The following TRAPPC8 variants were observed in gnomAD, a reference collection of about 807,000 sequenced individuals.
TRAPPC8 encodes trafficking protein particle complex subunit 8.
TRAPPC8 carries 54 observed loss-of-function variants against 174.3 expected under a neutral mutation model. The observed-to-expected ratio is 0.31, with a 90% CI of 0.25 to 0.39. The LOEUF (loss-of-function observed/expected upper bound fraction) is 0.39. Among genes scored for constraint, TRAPPC8 ranks in the 10% least tolerant of loss-of-function variants. TRAPPC8 has a pLI of 1.00. For synonymous variants in TRAPPC8, 630 were observed against 579.9 expected (o/e 1.09, Z -1.24); for missense variants, 1,531 against 1,699.1 (o/e 0.90, Z 1.74).
At chr18:31,888,993 T>C (rs1598678776) in intron 12 of TRAPPC8, among the ~76,000 whole-genome samples, 1 of 152,190 alleles carries the variant, frequency 6.6e-6, no homozygotes, top group Non-Finnish European at 1.5e-5. Context: ...ATGTGTTCTA[T>C]GCACCCTAAC....
intron 19 of TRAPPC8, among the ~76,000 whole-genome samples, chr18:31,861,943 G>A (rs1366821255): frequency 7.3e-6 from 1 of 136,672 alleles, no homozygotes; most frequent in African/African-American, 2.7e-5. Flanking sequence ...AAAAGGGGGG[G>A]GGGGGCGGTG....
chr18:31,931,390 C>A lies in TRAPPC8; in HGVS notation c.291G>T (p.Gln97His). Reference sequence around the variant, plus strand: ...CATTAGCTACTAATCCTTCTGCAGGCTGACTGCCAGAAACAACATCATTCA... The same window carrying A: ...CATTAGCTACTAATCCTTCTGCAGGATGACTGCCAGAAACAACATCATTCA... ...KLLNDVVSGSQPAEGLVANVI... is the reference protein window; with the variant it reads ...KLLNDVVSGSHPAEGLVANVI... Residue 97 changes from glutamine to histidine, a missense_variant, in exon 2 of 29, where the codon CAG (glutamine) becomes CAT (histidine). Physicochemically the swap from Gln to His is conservative, Grantham distance 24. Transcript: ENST00000283351. 2.5e-6 allele frequency: 4 copies of A among 1,612,660 alleles called. No homozygotes were observed. Among genetic ancestry groups the A allele is most frequent in the Non-Finnish European group, 1.7e-6 (2 of 1,179,232 alleles).
At chr18:31,889,194 C>G (rs1270186301) in intron 12 of TRAPPC8, among the ~76,000 whole-genome samples, 1 of 152,194 alleles carries the variant, frequency 6.6e-6, no homozygotes, top group Non-Finnish European at 1.5e-5. Context: ...GAATCATTAA[C>G]TTCACAGGGT....
intron 1 of TRAPPC8, among the ~76,000 whole-genome samples, chr18:31,936,902 TAAAAAAA>T (rs376783471): frequency 0.41 from 37,737 of 92,404 alleles, 7,191 homozygotes; most frequent in Admixed American, 0.58. Context: ...ACTCCGTCTT[TAAAAAAA>T]AAAAAAAAAA....
Position 31,942,922 on chromosome 18 carries a change from G to A in TRAPPC8, c.-158C>T, listed in dbSNP as rs2038415172. 2.4e-6 allele frequency: 3 copies of A among 1,234,506 alleles called. No homozygotes were observed. Among genetic ancestry groups the A allele is most frequent in the Middle Eastern group, 3.1e-4 (1 of 3,214 alleles). The allele number at this position is 1,234,506 out of a possible 1,614,324, so 76.5% of individuals were successfully genotyped here. A position where few individuals can be genotyped will look rare whatever the true frequency, so the allele number is the denominator to read the frequency against. Reference sequence around the variant, plus strand: ...GAAACAAGAAGGAACAGACGCCGCCGCTTCGGTTTCTGGGGCACAATCCAC... The same window carrying A: ...GAAACAAGAAGGAACAGACGCCGCCACTTCGGTTTCTGGGGCACAATCCAC... On this transcript the variant is annotated 5_prime_UTR_variant, in exon 1 of 29. Coordinates refer to ENST00000283351, the MANE Select transcript of TRAPPC8 (RefSeq NM_014939.5).
At chr18:31,880,107 ATATATATATATATATTTTTTTTT>A (rs2035362242) in intron 12 of TRAPPC8, among the ~76,000 whole-genome samples, 2 of 92,590 alleles carry the variant, frequency 2.2e-5, no homozygotes, top group Non-Finnish European at 2.3e-5. Flanking sequence ...ATATATATAT[ATATATATATATATATTTTTTTTT>A]TTTTAAGGAA....
At chr18:31,923,567 GAATT>G (rs747805651) in intron 2 of TRAPPC8, among the ~76,000 whole-genome samples, 2 of 152,056 alleles carry the variant, frequency 1.3e-5, no homozygotes, top group South Asian at 2.1e-4. Context: ...GAATATATAA[GAATT>G]AATACCTTAT....
chr18:31,852,512 A>G lies in TRAPPC8; in HGVS notation c.3503-8T>C, dbSNP rs780558600. 1.2e-6 allele frequency: 2 copies of G among 1,614,210 alleles called. No homozygotes were observed. The highest frequency in any genetic ancestry group is 1.7e-6 in the Non-Finnish European group (2 of 1,180,018). ...CAGAGGACTGTGTGGCCGCTAAAAA[A>G]CAGGGGAAAACAAACTAATCATATC... On this transcript the variant is annotated splice_region_variant and splice_polypyrimidine_tract_variant and intron_variant, in intron 23 of 28. Transcript: ENST00000283351.
intron 20 of TRAPPC8, among the ~76,000 whole-genome samples, 190 bp downstream of exon 20, chr18:31,857,350 A>T (rs766218287): frequency 7.2e-5 from 11 of 152,146 alleles, no homozygotes; most frequent in Non-Finnish European, 1.3e-4. Flanking sequence ...TGTGCCGTTA[A>T]ATTTTATTTT....
At position 31,830,712 on chromosome 18, in the gene TRAPPC8, C is replaced by A; in HGVS notation, c.*43G>T. On this transcript the variant is annotated 3_prime_UTR_variant, in exon 29 of 29. Transcript: ENST00000283351. Reference sequence around the variant, plus strand: ...AAATACTGCTGTAAAACCCATCCAGCAAAAACTGATTATTGTGGATTTCAG... The same window carrying A: ...AAATACTGCTGTAAAACCCATCCAGAAAAAACTGATTATTGTGGATTTCAG... 1.3e-6 allele frequency: 2 copies of A among 1,562,602 alleles called. No homozygotes were observed. The highest frequency in any genetic ancestry group is 1.7e-6 in the Non-Finnish European group (2 of 1,143,374).
chr18:31,904,345 T>G (rs2036571281), intron 9 of TRAPPC8, among the ~76,000 whole-genome samples: 1 of 151,788 alleles, frequency 6.6e-6, no homozygotes, highest in South Asian at 2.1e-4. Context: ...AAGTCTGGAG[T>G]TCGAGACCAG....
rs1450629852 is a variant in TRAPPC8 at position 31,880,120 on chromosome 18, TA to T, written c.1729-5417del. Among the ~76,000 whole-genome samples, 436 of 71,370 alleles carry T rather than the reference TA, an allele frequency of 6.1e-3. 3 individuals carry two copies. The highest frequency in any genetic ancestry group is 0.012 in the Admixed American group (92 of 7,958). 46.8% of individuals were successfully genotyped at this position (71,370 alleles called of 152,430 possible). A position where few individuals can be genotyped will look rare whatever the true frequency, so the allele number is the denominator to read the frequency against. On this transcript the variant is annotated intron_variant, in intron 12 of 28. Coordinates refer to ENST00000283351, the MANE Select transcript of TRAPPC8 (RefSeq NM_014939.5). Reference sequence around the variant, plus strand: ...ATATATATATATATATATATATATATATTTTTTTTTTTTTAAGGAAGAAAGA... The same window carrying T: ...ATATATATATATATATATATATATATTTTTTTTTTTTTTAAGGAAGAAAGA...
intron 14 of TRAPPC8, among the ~76,000 whole-genome samples, chr18:31,873,064 C>A (rs1277925692): frequency 1.6e-5 from 2 of 122,206 alleles, no homozygotes; most frequent in Non-Finnish European, 1.6e-5. Flanking sequence ...GTCGCCCAGG[C>A]TGGAGTGCAG....
intron 16 of TRAPPC8, among the ~76,000 whole-genome samples, chr18:31,868,843 C>G (rs1234423615): frequency 1.3e-5 from 2 of 151,978 alleles, no homozygotes; most frequent in African/African-American, 2.4e-5. Context: ...GCTGGGACTA[C>G]AGATGTGTAC....
intron 26 of TRAPPC8, among the ~76,000 whole-genome samples, chr18:31,843,390 A>G (rs976790037): frequency 2.6e-5 from 4 of 152,216 alleles, no homozygotes; most frequent in African/African-American, 9.6e-5. Flanking sequence ...TGGAAATAGA[A>G]TATTTGCTAA....
chr18:31,876,604 A>C (rs2035167159), intron 12 of TRAPPC8, among the ~76,000 whole-genome samples: 1 of 152,126 alleles, frequency 6.6e-6, no homozygotes, highest in Admixed American at 6.5e-5. Context: ...CTGAGAAAAG[A>C]CAGCCAGGAT....
At position 31,857,530 on chromosome 18, in the gene TRAPPC8, TA is replaced by T; in HGVS notation, c.3188+9del. The T allele has an allele frequency of 6.4e-7, 1 of 1,557,070 alleles. No individual in the cohort carries two copies. The highest frequency in any genetic ancestry group is 8.7e-7 in the Non-Finnish European group (1 of 1,154,992). On this transcript the variant is annotated intron_variant, in intron 20 of 28. Transcript: ENST00000283351. ...TAGATGTTAAATTTTATAAGTTTTA[TA>T]ATACTAACCGTATTTTTGGCTGCTT...
At chr18:31,915,216 C>G (rs549609316) in intron 4 of TRAPPC8, among the ~76,000 whole-genome samples, 2 of 152,320 alleles carry the variant, frequency 1.3e-5, no homozygotes, top group East Asian at 3.9e-4. Context: ...CGCCTGTAAT[C>G]CTACCACTTT....
intron 2 of TRAPPC8, among the ~76,000 whole-genome samples, chr18:31,918,305 A>G (rs1484860302): frequency 1.3e-5 from 2 of 152,182 alleles, no homozygotes; most frequent in Non-Finnish European, 2.9e-5. Flanking sequence ...TTAATGCTCT[A>G]AATATTACCT....
Sources: gnomAD v4.1 joint callset for allele counts (sites outside exome capture counted in the v4.1 genomes callset) on GRCh38, gnomAD v4.1.1 for gene constraint, MANE v1.5 for transcripts, NCBI Gene and HGNC (gene_info 2026-07-23, HGNC 2026-07-21) for gene names.